REV3L: variants seen among roughly 807,000 people sequenced by gnomAD.
The protein encoded by REV3L is DNA polymerase zeta catalytic subunit.
In REV3L, 69 loss-of-function variants were observed where a neutral mutation model predicts 299.4. The observed-to-expected ratio is 0.23, with a 90% confidence interval of 0.19 to 0.28. The LOEUF (loss-of-function observed/expected upper bound fraction) is 0.28, where lower values mean the gene tolerates loss of function less well. Among genes scored for constraint, REV3L ranks in the 10% least tolerant of loss-of-function variants. REV3L has a pLI of 1.00. For missense variants in REV3L, 3,128 were observed against 3,693.8 expected, an observed-to-expected ratio of 0.85 and a Z score of 3.97; for synonymous variants, 1,238 against 1,271.4, an observed-to-expected ratio of 0.97 and a Z score of 0.56.
intron 29 of REV3L, chr6:111,310,348 C>A: frequency 3.3e-6 from 1 of 304,428 alleles, no homozygotes; most frequent in Non-Finnish European, 5.8e-6. Context: ...AATGAGTTGG[C>A]AGATATCAAC....
intron 1 of REV3L, among the ~76,000 whole-genome samples, chr6:111,468,543 T>G (rs897890913): frequency 2.6e-5 from 4 of 152,130 alleles, no homozygotes; most frequent in Non-Finnish European, 5.9e-5. Context: ...ATCTCACTCA[T>G]AATAAAAGGA....
chr6:111,483,030 G>A lies in REV3L; in HGVS notation c.-142C>T. ...TCCCCTCACACAGAGGCACCTCGAG[G>A]AGCGGCGGGCGGGGCGGTGTAGGCG... On this transcript the variant is annotated 5_prime_UTR_variant, in exon 1 of 32. Coordinates refer to ENST00000368802, the MANE Select transcript of REV3L (RefSeq NM_001372078.1). The A allele has an allele frequency of 1.9e-6, 2 of 1,073,730 alleles. No homozygotes were observed. The highest frequency in any genetic ancestry group is 2.5e-6 in the Non-Finnish European group (2 of 813,538). The allele number at this position is 1,073,730 out of a possible 1,614,324, so 66.5% of individuals were successfully genotyped here.
At chr6:111,307,703 A>G (rs1416718905) in intron 30 of REV3L, 133 bp from the exon 31 acceptor site, 5 of 783,412 alleles carry the variant, frequency 6.4e-6, no homozygotes, top group African/African-American at 1.7e-5. Flanking sequence ...TTGAGTAGCT[A>G]CTATGTGCCA....
chr6:111,353,681 C>T (rs947202609), intron 18 of REV3L: 1 of 152,138 alleles, frequency 6.6e-6, no homozygotes, highest in African/African-American at 2.4e-5. Flanking sequence ...TGAAGCAAAG[C>T]AATAAGCAAC....
chr6:111,411,634 T>G (rs1454683358), intron 2 of REV3L, 80 bp from the exon 3 acceptor site: 1 of 915,632 alleles, frequency 1.1e-6, no homozygotes, highest in East Asian at 2.7e-5. Context: ...CTAATTAGAT[T>G]CAGCTGGCCA....
At chr6:111,465,238 G>A (rs1181523779) in intron 1 of REV3L, among the ~76,000 whole-genome samples, 2 of 150,628 alleles carry the variant, frequency 1.3e-5, no homozygotes, top group East Asian at 2.1e-4. Flanking sequence ...GCACCATCAC[G>A]CCCAGCTAAT....
At chr6:111,424,190 G>A (rs1161288506) in intron 1 of REV3L, among the ~76,000 whole-genome samples, 2 of 152,158 alleles carry the variant, frequency 1.3e-5, no homozygotes, top group African/African-American at 4.8e-5. Flanking sequence ...GCAAGAAAGG[G>A]AAGCTAATAG....
At chr6:111,377,345 A>ATT (rs949132228) in intron 12 of REV3L, among the ~76,000 whole-genome samples, 2 of 128,498 alleles carry the variant, frequency 1.6e-5, no homozygotes, top group Admixed American at 7.9e-5. Flanking sequence ...TTTATTTATT[A>ATT]TTTTTTTTGG....
intron 1 of REV3L, among the ~76,000 whole-genome samples, chr6:111,456,661 C>T (rs1252842275): frequency 1.3e-5 from 2 of 152,138 alleles, no homozygotes; most frequent in East Asian, 3.8e-4. Context: ...CCAAAACAAT[C>T]TTTTCTCAGA....
intron 1 of REV3L, among the ~76,000 whole-genome samples, chr6:111,457,851 C>T (rs1272731323): frequency 1.3e-5 from 2 of 151,812 alleles, no homozygotes; most frequent in African/African-American, 4.8e-5. Context: ...AACCAAAAAA[C>T]TCAGAGAAGA....
intron 23 of REV3L, among the ~76,000 whole-genome samples, chr6:111,332,577 A>AT (rs143073028): frequency 0.025 from 3,760 of 152,278 alleles, 81 homozygotes; most frequent in Non-Finnish European, 0.039. Flanking sequence ...AAACCAACAC[A>AT]TGATCTCAAA....
chr6:111,373,573 T>C lies in REV3L; in HGVS notation c.4782A>G (p.Lys1594=), dbSNP rs761763843. 2.5e-6 allele frequency: 4 copies of C among 1,613,994 alleles called. No homozygotes were observed. The East Asian group carries it at 6.7e-5, about 27-fold the overall frequency. ...RTPRSTKQKE[K]IPKLLKVDSL... The stretch of plus-strand genomic sequence containing the variant: ...AGTCTACTTTGAGAAGTTTGGGGAT[T>C]TTTTCTTTTTGTTTTGTACTTCTGG... The change falls in exon 13 of 32, where the codon AAA becomes AAG. Residue 1594 remains lysine (K), a synonymous_variant. Transcript: ENST00000368802.
intron 1 of REV3L, among the ~76,000 whole-genome samples, chr6:111,451,655 C>T (rs1341772663): frequency 6.6e-6 from 1 of 152,046 alleles, no homozygotes; most frequent in African/African-American, 2.4e-5. Flanking sequence ...ATAAAGCTAC[C>T]TCACAGCTTA....
chr6:111,411,439 A>G (rs1453558557), intron 3 of REV3L, 41 bp downstream of exon 3: 1 of 1,232,734 alleles, frequency 8.1e-7, no homozygotes, highest in Non-Finnish European at 1.1e-6. Context: ...AAAATACTTC[A>G]ATGATAGTTA....
At chr6:111,394,909 C>T (rs1172686815) in intron 4 of REV3L, among the ~76,000 whole-genome samples, 1 of 152,064 alleles carries the variant, frequency 6.6e-6, no homozygotes, top group Non-Finnish European at 1.5e-5. Flanking sequence ...ACAGGCTGGA[C>T]TCAAATTTCT....
At chr6:111,322,526 T>C (rs764211961) in intron 26 of REV3L, 43 bp downstream of exon 26, 1 of 1,403,880 alleles carries the variant, frequency 7.1e-7, no homozygotes, top group Non-Finnish European at 1.0e-6. Context: ...AATGAAGATC[T>C]AGAGAGATGC....
At chr6:111,322,518 T>G (rs548790254) in intron 26 of REV3L, 51 bp downstream of exon 26, 1 of 1,341,386 alleles carries the variant, frequency 7.5e-7, no homozygotes, top group East Asian at 2.3e-5. Context: ...AACACTGAAA[T>G]GAAGATCTAG....
At chr6:111,412,122 G>T (rs1285372504) in intron 2 of REV3L, 1 of 985,272 alleles carries the variant, frequency 1.0e-6, no homozygotes, top group South Asian at 4.7e-5. Flanking sequence ...CCTATTATAT[G>T]TACACACAGC....
chr6:111,464,657 A>G (rs1791207724), intron 1 of REV3L, among the ~76,000 whole-genome samples: 1 of 152,172 alleles, frequency 6.6e-6, no homozygotes, highest in Admixed American at 6.5e-5. Context: ...AAAAAACTAC[A>G]TTTTGGTACA....
Sources: allele counts gnomAD v4.1 joint callset (sites outside exome capture counted in the v4.1 genomes callset), GRCh38; gene constraint gnomAD v4.1.1; transcripts MANE v1.5; gene names NCBI Gene and HGNC (gene_info 2026-07-23, HGNC 2026-07-21).